Variants in PTPRD observed in about 807,000 individuals in gnomAD.
The protein encoded by PTPRD is protein tyrosine phosphatase receptor type D, also known as receptor-type tyrosine-protein phosphatase delta.
In PTPRD, 34 loss-of-function variants were observed where a neutral mutation model predicts 214.5. The observed-to-expected ratio is 0.16, with a 90% confidence interval of 0.12 to 0.21. PTPRD has a LOEUF of 0.21. Ranked by LOEUF, PTPRD falls within the 10% of genes least tolerant of loss-of-function variation. The pLI, the probability that PTPRD is intolerant of heterozygous loss-of-function variation, is 1.00. For missense variants in PTPRD, 2,545 were observed against 2,398.7 expected (o/e 1.06, Z -1.27); for synonymous variants, 1,128 against 845.7 (o/e 1.33, Z -5.79).
chr9:10,366,766 G>T (rs989876307), intron 2 of PTPRD, among the ~76,000 whole-genome samples: 1 of 152,004 alleles, frequency 6.6e-6, no homozygotes, highest in South Asian at 2.1e-4. Flanking sequence ...CCACGTACTT[G>T]CTCCATGTTT....
intron 7 of PTPRD, among the ~76,000 whole-genome samples, chr9:9,645,184 A>G (rs902804135): frequency 2.0e-5 from 3 of 152,220 alleles, no homozygotes; most frequent in Non-Finnish European, 4.4e-5. Flanking sequence ...GGCTTGAGCC[A>G]CATCCCCATT....
In PTPRD at chr9:8,504,425, G is replaced by C. The variant is rs779188361; in HGVS notation, c.1678-20C>G. 1.4e-5 allele frequency: 22 copies of C among 1,613,702 alleles called. No individual in the cohort carries two copies. Among genetic ancestry groups the C allele is most frequent in the Admixed American group, 6.7e-5 (4 of 59,984 alleles). On this transcript the variant is annotated intron_variant, in intron 22 of 45. Transcript: ENST00000381196. ...TCGTTGCTGGAAGCAATAAGAGAAT[G>C]TGGTCATCTTCATTAAGGTTCATGC...
intron 4 of PTPRD, among the ~76,000 whole-genome samples, chr9:9,980,124 C>G (rs974079247): frequency 6.6e-6 from 1 of 151,884 alleles, no homozygotes; most frequent in African/African-American, 2.4e-5. Flanking sequence ...ATCAATATTT[C>G]AAAATTAAGC....
intron 2 of PTPRD, among the ~76,000 whole-genome samples, chr9:10,503,321 A>C (rs1315343229): frequency 6.6e-6 from 1 of 151,828 alleles, no homozygotes; most frequent in Non-Finnish European, 1.5e-5. Context: ...CCATGTATAT[A>C]GCAAAAGAAG....
chr9:10,270,394 T>C (rs2154382196), intron 3 of PTPRD, among the ~76,000 whole-genome samples: 1 of 152,318 alleles, frequency 6.6e-6, no homozygotes, highest in African/African-American at 2.4e-5. Context: ...GAAAATATAA[T>C]TTCAAGTTGA....
rs548498171 is a variant in PTPRD, at chr9:8,900,570, A to G, written c.-104+118127T>C. 1.3e-4 allele frequency among the ~76,000 whole-genome samples: 20 copies of G among 152,332 alleles called. No individual in the cohort carries two copies. The East Asian group carries it at 3.7e-3, about 28-fold the overall frequency. On this transcript the variant is annotated intron_variant, in intron 11 of 45. Coordinates refer to ENST00000381196, the MANE Select transcript of PTPRD (RefSeq NM_002839.4). ...CTGTTTGCCCAGAATTTGACCCTGCATGGTGGTGCTCCACCAATTTTCCTT... is the reference window on the plus strand; with the variant it reads ...CTGTTTGCCCAGAATTTGACCCTGCGTGGTGGTGCTCCACCAATTTTCCTT...
At chr9:9,682,922 A>G (rs937995326) in intron 7 of PTPRD, among the ~76,000 whole-genome samples, 3 of 151,748 alleles carry the variant, frequency 2.0e-5, no homozygotes, top group Non-Finnish European at 2.9e-5. Flanking sequence ...GGTGATGGGG[A>G]ATGCCACTGG....
At chr9:10,220,272 T>C (rs1235745037) in intron 3 of PTPRD, among the ~76,000 whole-genome samples, 1 of 151,924 alleles carries the variant, frequency 6.6e-6, no homozygotes, top group Non-Finnish European at 1.5e-5. Context: ...ACTTACTATG[T>C]TGCAGGCACT....
chr9:9,370,176 C>T (rs1248195531), intron 9 of PTPRD, among the ~76,000 whole-genome samples: 1 of 152,146 alleles, frequency 6.6e-6, no homozygotes, highest in Middle Eastern at 3.4e-3. Context: ...ATGGGGATGG[C>T]ATTGAATCTA....
chr9:10,507,015 G>C (rs1249020081), intron 2 of PTPRD, among the ~76,000 whole-genome samples: 1 of 152,032 alleles, frequency 6.6e-6, no homozygotes, highest in Non-Finnish European at 1.5e-5. Context: ...CCTGTCTTGT[G>C]CCTGTTTTCA....
At chr9:9,159,408 T>C (rs1440611234) in intron 10 of PTPRD, among the ~76,000 whole-genome samples, 1 of 152,168 alleles carries the variant, frequency 6.6e-6, no homozygotes, top group Non-Finnish European at 1.5e-5. Context: ...AGTGTTTCTA[T>C]ATATGTATAA....
chr9:8,871,293 T>G (rs530569864), intron 11 of PTPRD, among the ~76,000 whole-genome samples: 14 of 152,204 alleles, frequency 9.2e-5, no homozygotes, highest in African/African-American at 3.4e-4. Context: ...TTGCAGTATA[T>G]TCTGTGAATG....
intron 14 of PTPRD, among the ~76,000 whole-genome samples, chr9:8,570,361 T>G (rs1268128009): frequency 6.6e-6 from 1 of 152,186 alleles, no homozygotes; most frequent in Non-Finnish European, 1.5e-5. Flanking sequence ...CACCTACTGT[T>G]AAAGGTTAGT....
At chr9:9,145,153 T>C (rs1419093558) in intron 10 of PTPRD, among the ~76,000 whole-genome samples, 1 of 152,220 alleles carries the variant, frequency 6.6e-6, no homozygotes, top group Admixed American at 6.5e-5. Context: ...TAAGTATGTG[T>C]TGCTAGGCAG....
chr9:8,615,439 G>C (rs1018995571), intron 14 of PTPRD, among the ~76,000 whole-genome samples: 9 of 152,002 alleles, frequency 5.9e-5, no homozygotes, highest in African/African-American at 1.7e-4. Context: ...GTCTAAATTA[G>C]GTCTATTTTA....
At chr9:9,122,689 T>C (rs931520150) in intron 10 of PTPRD, among the ~76,000 whole-genome samples, 2 of 152,212 alleles carry the variant, frequency 1.3e-5, no homozygotes, top group African/African-American at 4.8e-5. Context: ...CCAGATAACC[T>C]TGGATTGAAA....
At chr9:10,080,291 A>G (rs944046054) in intron 3 of PTPRD, among the ~76,000 whole-genome samples, 6 of 152,134 alleles carry the variant, frequency 3.9e-5, no homozygotes, top group African/African-American at 1.4e-4. Context: ...CAAAATAGAA[A>G]TAGAAATAAT....
intron 14 of PTPRD, among the ~76,000 whole-genome samples, chr9:8,588,326 T>G (rs1365556648): frequency 6.6e-6 from 1 of 152,166 alleles, no homozygotes; most frequent in African/African-American, 2.4e-5. Flanking sequence ...GTCTTTATAT[T>G]TTGAAGAAAA....
chr9:10,235,534 C>G (rs1313528901), intron 3 of PTPRD, among the ~76,000 whole-genome samples: 1 of 151,956 alleles, frequency 6.6e-6, no homozygotes, highest in Non-Finnish European at 1.5e-5. Context: ...TTAGAAGACA[C>G]TTGGTGATAT....
Sources: gnomAD v4.1 joint callset for allele counts (sites outside exome capture counted in the v4.1 genomes callset) on GRCh38, gnomAD v4.1.1 for gene constraint, MANE v1.5 for transcripts, NCBI Gene and HGNC (gene_info 2026-07-23, HGNC 2026-07-21) for gene names.